The following VWA3B variants were observed in gnomAD, a reference collection of about 807,000 sequenced individuals.
VWA3B encodes von Willebrand factor A domain containing 3B.
In VWA3B, 138 loss-of-function variants were observed where a neutral mutation model predicts 158.3. The observed-to-expected ratio is 0.87, with a 90% CI of 0.76 to 1.00. VWA3B has a LOEUF of 1.00. VWA3B is among the 50% of genes least tolerant of loss of function. VWA3B has a pLI of 0.00. For missense variants in VWA3B, 1,555 were observed against 1,565.1 expected, an observed-to-expected ratio of 0.99 and a Z score of 0.11; for synonymous variants, 596 against 587.3, an observed-to-expected ratio of 1.01 and a Z score of -0.21.
chr2:98,250,905 C>T (rs949767964), intron 20 of VWA3B, among the ~76,000 whole-genome samples: 3 of 151,772 alleles, frequency 2.0e-5, no homozygotes, highest in Admixed American at 6.6e-5. Context: ...TGTGTACCCA[C>T]AAAAATAAAA....
At chr2:98,263,892 TG>T (rs1025549072) in intron 21 of VWA3B, among the ~76,000 whole-genome samples, 1 of 152,048 alleles carries the variant, frequency 6.6e-6, no homozygotes, top group African/African-American at 2.4e-5. Context: ...AGGAGGTTTT[TG>T]ATTATTGATT....
chr2:98,283,775 G>A (rs1214683964), intron 22 of VWA3B, among the ~76,000 whole-genome samples: 1 of 152,230 alleles, frequency 6.6e-6, no homozygotes, highest in Admixed American at 6.5e-5. Context: ...GGAAGTGGTA[G>A]AGATTATTTA....
intron 19 of VWA3B, among the ~76,000 whole-genome samples, chr2:98,242,647 A>G (rs1164486063): frequency 1.3e-5 from 2 of 149,600 alleles, no homozygotes; most frequent in South Asian, 2.2e-4. Context: ...GATAGCCTGG[A>G]TTGGTGCTCC....
In VWA3B at chr2:98,228,220, T is replaced by C. The variant is rs772085610; in HGVS notation, c.2038T>C (p.Leu680=). The change falls in exon 15 of 28, where the codon TTA becomes CTA. Residue 680 remains leucine (L), a synonymous_variant. Transcript: ENST00000477737. ...EAVQNEDLTL[L]VKEMEQGHSD... ...TTGGCAGAATGAAGATCTGACTCTT[T>C]TAGTTAAGGAAATGGAACAGGGTCA... 8.1e-6 allele frequency: 13 copies of C among 1,612,968 alleles called. No homozygotes were observed. In the Admixed American group the frequency reaches 1.5e-4, roughly 19 times the overall value.
chr2:98,196,053 A>G (rs1005009510), intron 12 of VWA3B, among the ~76,000 whole-genome samples: 2 of 152,220 alleles, frequency 1.3e-5, no homozygotes, highest in African/African-American at 4.8e-5. Flanking sequence ...TATATGTAGA[A>G]TCTAAAAATG....
intron 1 of VWA3B, among the ~76,000 whole-genome samples, chr2:98,088,504 C>CA (rs1682026651): frequency 6.6e-6 from 1 of 152,166 alleles, no homozygotes; most frequent in South Asian, 2.1e-4. Context: ...ATTTTCAGCT[C>CA]AGACTTTCAC....
the VWA3B span, among the ~76,000 whole-genome samples, chr2:98,321,986 T>C: frequency 6.6e-6 from 1 of 152,092 alleles, no homozygotes; most frequent in Non-Finnish European, 1.5e-5. Context: ...TAGGGATAAG[T>C]CTCATGAGAG....
downstream of VWA3B, among the ~76,000 whole-genome samples, chr2:98,316,407 C>A (rs111424587): frequency 4.1e-3 from 628 of 152,188 alleles, 6 homozygotes; most frequent in Non-Finnish European, 7.3e-3. Flanking sequence ...CTTTGGGAGG[C>A]CAAAACTGGT....
downstream of VWA3B, among the ~76,000 whole-genome samples, chr2:98,314,405 A>G (rs1368726220): frequency 4.6e-5 from 7 of 152,336 alleles, no homozygotes; most frequent in South Asian, 1.5e-3. Flanking sequence ...AGGGCTGGGA[A>G]TATTTCCTGT....
chr2:98,096,476 T>A (rs936367948), intron 2 of VWA3B, among the ~76,000 whole-genome samples: 1 of 151,760 alleles, frequency 6.6e-6, no homozygotes, highest in African/African-American at 2.4e-5. Flanking sequence ...ACCATGTTGG[T>A]CAGGCTGGTC....
chr2:98,173,128 T>A (rs1323109783), intron 8 of VWA3B, among the ~76,000 whole-genome samples: 1 of 152,244 alleles, frequency 6.6e-6, no homozygotes, highest in Non-Finnish European at 1.5e-5. Flanking sequence ...AGAGTACTTG[T>A]ACATGTTTAT....
chr2:98,091,387 AT>A (rs1247082587), intron 1 of VWA3B, among the ~76,000 whole-genome samples: 1 of 152,226 alleles, frequency 6.6e-6, no homozygotes, highest in African/African-American at 2.4e-5. Flanking sequence ...GCTAGTGCGT[AT>A]AAAAGGACCA....
At chr2:98,176,721 T>C (rs766047875) in intron 8 of VWA3B, among the ~76,000 whole-genome samples, 3 of 152,200 alleles carry the variant, frequency 2.0e-5, no homozygotes, top group Non-Finnish European at 2.9e-5. Flanking sequence ...GGAATCTTGC[T>C]TGTGGTAAGC....
At chr2:98,262,999 TCCTTAAAATTATTCCTAA>T (rs1687579067) in intron 21 of VWA3B, among the ~76,000 whole-genome samples, 2 of 151,954 alleles carry the variant, frequency 1.3e-5, no homozygotes, top group Non-Finnish European at 2.9e-5. Flanking sequence ...GTCTCTCACT[TCCTTAAAATTATTCCTAA>T]TTTGTTCTTT....
intron 5 of VWA3B, among the ~76,000 whole-genome samples, chr2:98,122,628 G>A (rs954070160): frequency 6.6e-6 from 1 of 152,184 alleles, no homozygotes; most frequent in Non-Finnish European, 1.5e-5. Context: ...AACATTCCCA[G>A]GCTCAGGGTG....
intron 22 of VWA3B, among the ~76,000 whole-genome samples, chr2:98,278,328 A>G (rs571850818): frequency 6.6e-6 from 1 of 152,280 alleles, no homozygotes; most frequent in South Asian, 2.1e-4. Context: ...CAGCTTCTAG[A>G]GGAGTACCCA....
intron 9 of VWA3B, among the ~76,000 whole-genome samples, chr2:98,183,944 G>A (rs1389435875): frequency 6.6e-6 from 1 of 152,202 alleles, no homozygotes; most frequent in Non-Finnish European, 1.5e-5. Flanking sequence ...TACAAACATT[G>A]TGAGTCAGAA....
At chr2:98,208,153 A>G (rs1683173525) in intron 12 of VWA3B, among the ~76,000 whole-genome samples, 1 of 151,748 alleles carries the variant, frequency 6.6e-6, no homozygotes, top group South Asian at 2.1e-4. Flanking sequence ...GTTAAAGTCT[A>G]CTTTATATAA....
intron 22 of VWA3B, among the ~76,000 whole-genome samples, chr2:98,287,122 T>C (rs376499944): frequency 7.4e-4 from 113 of 152,120 alleles, no homozygotes; most frequent in African/African-American, 2.7e-3. Context: ...GAGGGGAAAA[T>C]TTTTGTATTC....
Sources: allele counts gnomAD v4.1 joint callset (sites outside exome capture counted in the v4.1 genomes callset), GRCh38; gene constraint gnomAD v4.1.1; transcripts MANE v1.5; gene names NCBI Gene and HGNC (gene_info 2026-07-23, HGNC 2026-07-21).